CCDC14: variants seen among roughly 807,000 people sequenced by gnomAD.
CCDC14 encodes the protein coiled-coil domain-containing protein 14.
Under a neutral mutation model 81.4 loss-of-function variants are expected in CCDC14, and 71 were observed. The ratio of observed to expected loss-of-function variants is 0.87; its 90% CI spans 0.72 to 1.06. The LOEUF (loss-of-function observed/expected upper bound fraction) is 1.06. CCDC14 is among the 50% of genes least tolerant of loss of function. The pLI is 0.00. For missense variants in CCDC14, 1,046 were observed against 1,047.3 expected (o/e 1.00, Z 0.02); for synonymous variants, 332 against 364.8 (o/e 0.91, Z 1.03).
intron 12 of CCDC14, among the ~76,000 whole-genome samples, chr3:123,920,622 T>G (rs2034989379): frequency 6.6e-6 from 1 of 152,040 alleles, no homozygotes; most frequent in African/African-American, 2.4e-5. Context: ...GAGGGAGAAA[T>G]AAAAACTTTC....
At chr3:123,891,528 G>A in the CCDC14 span, among the ~76,000 whole-genome samples, 1 of 152,086 alleles carries the variant, frequency 6.6e-6, no homozygotes, top group South Asian at 2.1e-4. Flanking sequence ...AATCTCTAGG[G>A]CAGTGGTAAA....
At chr3:123,921,511 T>C (rs970169125) in intron 12 of CCDC14, among the ~76,000 whole-genome samples, 6 of 152,108 alleles carry the variant, frequency 3.9e-5, no homozygotes, top group African/African-American at 1.4e-4. Flanking sequence ...AGCAACTAAA[T>C]AATAAAGCAA....
chr3:123,912,873 C>T (rs1051307062), downstream of CCDC14, among the ~76,000 whole-genome samples: 2 of 152,130 alleles, frequency 1.3e-5, no homozygotes, highest in African/African-American at 4.8e-5. Flanking sequence ...TATTACCACC[C>T]CCTCCCCACC....
intron 12 of CCDC14, among the ~76,000 whole-genome samples, chr3:123,920,766 T>C (rs2034999335): frequency 6.6e-6 from 1 of 152,204 alleles, no homozygotes; most frequent in Non-Finnish European, 1.5e-5. Context: ...CTCAATGGTA[T>C]AACACATAAT....
chr3:123,920,988 T>C (rs557665418), intron 12 of CCDC14, among the ~76,000 whole-genome samples: 1 of 152,292 alleles, frequency 6.6e-6, no homozygotes, highest in African/African-American at 2.4e-5. Context: ...CAGCTTAAAA[T>C]AGCCTAAGTA....
At chr3:123,927,986 A>T (rs1394252262) in intron 12 of CCDC14, among the ~76,000 whole-genome samples, 1 of 152,178 alleles carries the variant, frequency 6.6e-6, no homozygotes, top group Non-Finnish European at 1.5e-5. Context: ...AAAGCTGAAG[A>T]CAGAATCCAA....
chr3:123,904,623 A>AAG (rs901231478), intron 5 of CCDC14, among the ~76,000 whole-genome samples: 1 of 5,160 alleles, frequency 1.9e-4, no homozygotes, highest in African/African-American at 2.6e-4. Context: ...GGAAAAAAAG[A>AAG]AAAAAAAAAA....
intron 9 of CCDC14, among the ~76,000 whole-genome samples, chr3:123,943,323 G>A (rs2036458321): frequency 2.6e-5 from 4 of 151,986 alleles, no homozygotes; most frequent in South Asian, 4.2e-4. Flanking sequence ...AAAGACAGTC[G>A]TTTGTTAATA....
Position 123,949,000 on chromosome 3 carries a change from A to T in CCDC14, c.485T>A (p.Leu162His), listed in dbSNP as rs753745998. ...CATCTGAGTCTGCACGTGCTCACAG[A>T]GGGCTTGGTATATTATGGGTGAATA... ...RMYSPIIYQA[L>H]CEHVQTQMSL... Residue 162 changes from leucine (L) to histidine (H), a missense_variant, in exon 6 of 13, where the codon CTC becomes CAC. Transcript: ENST00000409697. 6.2e-7 allele frequency: 1 copy of T among 1,613,954 alleles called. No individual in the cohort carries two copies. The highest frequency in any genetic ancestry group is 1.3e-5 in the African/African-American group (1 of 75,042).
chr3:123,894,518 C>T (rs1270325358), downstream of CCDC14, among the ~76,000 whole-genome samples: 1 of 152,172 alleles, frequency 6.6e-6, no homozygotes, highest in African/African-American at 2.4e-5. Context: ...ATAGGGATTG[C>T]ATTGAATCTG....
At chr3:123,917,246 C>T (rs1436283400) in intron 12 of CCDC14, among the ~76,000 whole-genome samples, 1 of 151,572 alleles carries the variant, frequency 6.6e-6, no homozygotes, top group Non-Finnish European at 1.5e-5. Flanking sequence ...GTAATCCCAG[C>T]ACTTTGGGAG....
chr3:123,943,911 T>C (rs2036491160), intron 9 of CCDC14, among the ~76,000 whole-genome samples: 1 of 152,140 alleles, frequency 6.6e-6, no homozygotes, highest in African/African-American at 2.4e-5. Context: ...AACTAAGTGT[T>C]TCCGTGAGTT....
intron 5 of CCDC14, among the ~76,000 whole-genome samples, chr3:123,906,084 C>CT (rs2034301212): frequency 6.6e-6 from 1 of 152,110 alleles, no homozygotes; most frequent in South Asian, 2.1e-4. Flanking sequence ...AATCCCAGCA[C>CT]TTTGGGAGGC....
chr3:123,944,903 A>C lies in CCDC14; in HGVS notation c.1289T>G (p.Val430Gly). 4.3e-6 allele frequency: 7 copies of C among 1,612,394 alleles called. No homozygotes were observed. Among genetic ancestry groups the C allele is most frequent in the Non-Finnish European group, 5.9e-6 (7 of 1,178,790 alleles). The change falls in exon 9 of 13, where the codon GTT (valine) becomes GGT (glycine). Residue 430 changes from valine (V) to glycine (G), a missense_variant. Transcript: ENST00000409697. Reference protein sequence around the residue: ...PTVSGNTDIQVEIALAMQPLR... With the variant: ...PTVSGNTDIQGEIALAMQPLR... ...TGGTTGCATGGCCAGTGCTATCTCA[A>C]CTTGAATATCTGTGTTTCCACTTAC...
At chr3:123,955,030 T>C (rs536643189) in intron 5 of CCDC14, 2 of 152,272 alleles carry the variant, frequency 1.3e-5, no homozygotes, top group African/African-American at 2.4e-5. Context: ...TCTAGTCCCA[T>C]GAATGCTCTA....
At chr3:123,924,138 T>A (rs1267306101) in intron 12 of CCDC14, among the ~76,000 whole-genome samples, 2 of 151,986 alleles carry the variant, frequency 1.3e-5, no homozygotes, top group African/African-American at 4.8e-5. Flanking sequence ...AATAAATCCA[T>A]GTATTTATGG....
chr3:123,885,347 C>T, the CCDC14 span, among the ~76,000 whole-genome samples: 5 of 152,040 alleles, frequency 3.3e-5, no homozygotes, highest in African/African-American at 1.2e-4. Flanking sequence ...CTCCATGTGC[C>T]CTACCTCAAT....
chr3:123,934,447 G>C (rs1173669496), intron 9 of CCDC14, among the ~76,000 whole-genome samples: 2 of 151,528 alleles, frequency 1.3e-5, no homozygotes, highest in East Asian at 1.9e-4. Flanking sequence ...CTTTTTAAAA[G>C]ATTTGTCATT....
downstream of CCDC14, chr3:123,897,267 T>C (rs1423658395): frequency 6.6e-6 from 1 of 152,410 alleles, no homozygotes; most frequent in Non-Finnish European, 1.5e-5. Context: ...CACCCTGTAA[T>C]CCCCTAAGTA....
Sources: gnomAD v4.1 joint callset for allele counts (sites outside exome capture counted in the v4.1 genomes callset) on GRCh38, gnomAD v4.1.1 for gene constraint, MANE v1.5 for transcripts, NCBI Gene and HGNC (gene_info 2026-07-23, HGNC 2026-07-21) for gene names.